The following TBRG1 variants were observed in gnomAD, a reference collection of about 807,000 sequenced individuals.
TBRG1 encodes the protein nuclear interactor of ARF and MDM2.
Under a neutral mutation model 44.0 loss-of-function variants are expected in TBRG1, and 31 were observed. The ratio of observed to expected loss-of-function variants is 0.70; its 90% CI spans 0.53 to 0.95. TBRG1 has a LOEUF of 0.95. TBRG1 is among the 40% of genes least tolerant of loss of function. The probability of loss-of-function intolerance (pLI) is 0.00; values close to 1 mark genes in which losing one functional copy is unlikely to be tolerated. For missense variants in TBRG1, 487 were observed against 496.1 expected, an observed-to-expected ratio of 0.98 and a Z score of 0.18; for synonymous variants, 171 against 188.1, an observed-to-expected ratio of 0.91 and a Z score of 0.74.
intron 5 of TBRG1, among the ~76,000 whole-genome samples, chr11:124,629,012 T>C (rs1942549055): frequency 6.6e-6 from 1 of 152,248 alleles, no homozygotes; most frequent in Non-Finnish European, 1.5e-5. Flanking sequence ...GGTAGATTTA[T>C]ACATTAGTAC....
At chr11:124,624,891 T>TG (rs1555091741) in intron 1 of TBRG1, 40 bp from the exon 2 acceptor site, 43 of 1,333,352 alleles carry the variant, frequency 3.2e-5, no homozygotes, top group Non-Finnish European at 4.3e-5. Context: ...GTGATTTTTT[T>TG]ATTCATTTTA....
At chr11:124,629,338 C>CA (rs1017659505) in intron 5 of TBRG1, among the ~76,000 whole-genome samples, 31 of 139,724 alleles carry the variant, frequency 2.2e-4, no homozygotes, top group South Asian at 4.5e-4. Context: ...GATTCCATCT[C>CA]AAAAAAAAAA....
In TBRG1 at chr11:124,632,271, T is replaced by C. The variant is rs750153110; in HGVS notation, c.*33T>C. 6.3e-6 allele frequency: 10 copies of C among 1,599,996 alleles called. No individual in the cohort carries two copies. The South Asian group carries it at 1.0e-4, about 16-fold the overall frequency. On this transcript the variant is annotated 3_prime_UTR_variant, in exon 9 of 9. Transcript: ENST00000441174. ...GGGATCAGATGCCACATCGTTTTTG[T>C]CGTGATTAATTTAACTTAAACTAAA...
intron 1 of TBRG1, 99 bp downstream of exon 1, chr11:124,623,332 A>C (rs1476185189): frequency 4.4e-6 from 6 of 1,356,462 alleles, no homozygotes; most frequent in South Asian, 3.8e-5. Flanking sequence ...GTATTAATAC[A>C]GTGTTGGCTT....
chr11:124,623,860 T>C (rs951002019), intron 1 of TBRG1, among the ~76,000 whole-genome samples: 2 of 152,242 alleles, frequency 1.3e-5, no homozygotes, highest in African/African-American at 4.8e-5. Context: ...TAATATAGCT[T>C]GCCAGCCATA....
chr11:124,623,442 A>G (rs1015159938), intron 1 of TBRG1: 2 of 686,564 alleles, frequency 2.9e-6, no homozygotes, highest in Non-Finnish European at 5.3e-6. Context: ...GTCTTGCAGA[A>G]TAATGAATAT....
chr11:124,631,165 G>T, intron 7 of TBRG1, 110 bp from the exon 8 acceptor site: 1 of 1,066,404 alleles, frequency 9.4e-7, no homozygotes. Context: ...ATGTGTTTTA[G>T]ATATATATGG....
intron 3 of TBRG1, among the ~76,000 whole-genome samples, chr11:124,626,132 T>A (rs1942462854): frequency 6.6e-6 from 1 of 152,212 alleles, no homozygotes; most frequent in Non-Finnish European, 1.5e-5. Context: ...AGACTGAGAC[T>A]TCCCCCTTCC....
intron 7 of TBRG1, 42 bp from the exon 8 acceptor site, chr11:124,631,233 C>A: frequency 6.6e-7 from 1 of 1,521,852 alleles, no homozygotes; most frequent in South Asian, 1.3e-5. Context: ...GTATTTATGT[C>A]TAGCAGATAA....
At position 124,634,770 on chromosome 11, in the gene TBRG1, A is replaced by C. The variant is rs989177381; in HGVS notation, c.*2532A>C. On this transcript the variant is annotated 3_prime_UTR_variant, in exon 9 of 9. Coordinates refer to ENST00000441174, the MANE Select transcript of TBRG1 (RefSeq NM_032811.3). The stretch of plus-strand genomic sequence containing the variant: ...AGAAAATTATTTTGGTAAAGTAAGT[A>C]AGTCAAAAACACAGATTACAAAATA... 4 of 152,228 alleles carry C rather than the reference A, an allele frequency of 2.6e-5. No individual in the cohort carries two copies. Among genetic ancestry groups the C allele is most frequent in the Non-Finnish European group, 4.4e-5 (3 of 68,050 alleles). 9.4% of individuals were successfully genotyped at this position (152,228 alleles called of 1,614,324 possible).
At chr11:124,625,519 G>T (rs1942445836) in intron 2 of TBRG1, among the ~76,000 whole-genome samples, 152 bp from the exon 3 acceptor site, 1 of 152,174 alleles carries the variant, frequency 6.6e-6, no homozygotes, top group East Asian at 1.9e-4. Context: ...ATCCTCCAGG[G>T]CTTTATGATT....
In TBRG1 at chr11:124,635,791, C is replaced by T. The variant is rs769681186; in HGVS notation, c.*3553C>T. 4.6e-5 allele frequency: 7 copies of T among 152,206 alleles called. No homozygotes were observed. Among genetic ancestry groups the T allele is most frequent in the Non-Finnish European group, 1.0e-4 (7 of 68,036 alleles). 9.4% of individuals were successfully genotyped at this position (152,206 alleles called of 1,614,324 possible). On this transcript the variant is annotated 3_prime_UTR_variant, in exon 9 of 9. Coordinates refer to ENST00000441174, the MANE Select transcript of TBRG1 (RefSeq NM_032811.3). ...TTGCAAGTGGATATAAATACATACA[C>T]ATCACTAGTGATTATGCTTTTATTT...
chr11:124,624,620 G>T (rs537673061), intron 1 of TBRG1, among the ~76,000 whole-genome samples: 1 of 152,232 alleles, frequency 6.6e-6, no homozygotes, highest in East Asian at 1.9e-4. Flanking sequence ...ACTAATTAGG[G>T]TGACCATTAA....
chr11:124,630,513 G>C, intron 6 of TBRG1, 28 bp downstream of exon 6: 1 of 1,502,176 alleles, frequency 6.7e-7, no homozygotes, highest in African/African-American at 1.4e-5. Flanking sequence ...TTGAAAACAG[G>C]CTAAAAGATC....
chr11:124,628,974 G>A (rs960164382), intron 5 of TBRG1, among the ~76,000 whole-genome samples: 5 of 152,226 alleles, frequency 3.3e-5, no homozygotes, highest in Middle Eastern at 3.4e-3. Context: ...TATATCCACC[G>A]TTGTATGTAC....
At position 124,626,463 on chromosome 11, in the gene TBRG1, T is replaced by G. The variant is rs927593869; in HGVS notation, c.455-10T>G. 2.0e-6 allele frequency: 3 copies of G among 1,522,306 alleles called. No individual in the cohort carries two copies. The highest frequency in any genetic ancestry group is 1.4e-5 in the African/African-American group (1 of 72,496). 94.3% of individuals were successfully genotyped at this position (1,522,306 alleles called of 1,614,324 possible). A position where few individuals can be genotyped will look rare whatever the true frequency, so the allele number is the denominator to read the frequency against. On this transcript the variant is annotated splice_polypyrimidine_tract_variant and intron_variant, in intron 3 of 8. Coordinates refer to ENST00000441174, the MANE Select transcript of TBRG1 (RefSeq NM_032811.3). Reference sequence around the variant, plus strand: ...GGCCTAAAGTGGGTGACCCCAGATTTGCGTTTCAGTTCTGAAGAAAACATG... The same window carrying G: ...GGCCTAAAGTGGGTGACCCCAGATTGGCGTTTCAGTTCTGAAGAAAACATG...
At chr11:124,625,128 C>T (rs1179357142) in intron 2 of TBRG1, 127 bp downstream of exon 2, 3 of 651,040 alleles carry the variant, frequency 4.6e-6, no homozygotes, top group Admixed American at 3.2e-5. Flanking sequence ...AGCCCCTTGG[C>T]CACTTGATCA....
Position 124,632,110 on chromosome 11 carries a change from G to C in TBRG1, c.1108G>C (p.Glu370Gln), listed in dbSNP as rs1942629098. Residue 370 changes from glutamate (E) to glutamine (Q), a missense_variant, in exon 9 of 9, where the codon GAG (glutamate) becomes CAG (glutamine). Coordinates refer to ENST00000441174, the MANE Select transcript of TBRG1 (RefSeq NM_032811.3). Reference protein sequence around the residue: ...PLLPGSLDLPELQPAAFVSSY... With the variant: ...PLLPGSLDLPQLQPAAFVSSY... ...TTCTCCAGGATCCTTGGACCTCCCA[G>C]AGCTTCAGCCTGCAGCCTTTGTGTC... 6.2e-7 allele frequency: 1 copy of C among 1,613,554 alleles called. No homozygotes were observed. The highest frequency in any genetic ancestry group is 1.3e-5 in the African/African-American group (1 of 74,896).
In TBRG1 at chr11:124,632,909, G is replaced by C. The variant is rs1942645163; in HGVS notation, c.*671G>C. The C allele has an allele frequency of 6.6e-6, 1 of 152,202 alleles. No homozygotes were observed. The highest frequency in any genetic ancestry group is 1.5e-5 in the Non-Finnish European group (1 of 68,040). The allele number at this position is 152,202 out of a possible 1,614,324, so 9.4% of individuals were successfully genotyped here. On this transcript the variant is annotated 3_prime_UTR_variant, in exon 9 of 9. Coordinates refer to ENST00000441174, the MANE Select transcript of TBRG1 (RefSeq NM_032811.3). The stretch of plus-strand genomic sequence containing the variant: ...TAGTAGCAGCAGCTGACTAACGAGG[G>C]AGATAGGGAGATTCTGACAAACTTC...
Sources: allele counts gnomAD v4.1 joint callset (sites outside exome capture counted in the v4.1 genomes callset), GRCh38; gene constraint gnomAD v4.1.1; transcripts MANE v1.5; gene names NCBI Gene and HGNC (gene_info 2026-07-23, HGNC 2026-07-21).